The following DPYS variants were observed in gnomAD, a reference collection of about 807,000 sequenced individuals.
DPYS encodes the protein dihydropyrimidinase, also known as dihydropyrimidine amidohydrolase.
Under a neutral mutation model 50.3 loss-of-function variants are expected in DPYS, and 39 were observed. The ratio of observed to expected loss-of-function variants is 0.78; its 90% CI spans 0.60 to 1.01. DPYS has a LOEUF of 1.01. Ranked by LOEUF, DPYS falls within the 50% of genes least tolerant of loss-of-function variation. The pLI is 0.00. For missense variants in DPYS, 659 were observed against 680.9 expected (o/e 0.97, Z 0.36); for synonymous variants, 245 against 250.7 (o/e 0.98, Z 0.22).
intron 4 of DPYS, 106 bp downstream of exon 4, chr8:104,444,142 T>A (rs1813448257): frequency 8.0e-7 from 1 of 1,255,482 alleles, no homozygotes; most frequent in East Asian, 2.4e-5. Context: ...AGAAAAGTAG[T>A]GGAAATCCAC....
In DPYS at chr8:104,406,568, C is replaced by T. The variant is rs543932357; in HGVS notation, c.1236-13577G>A. Among the ~76,000 whole-genome samples, 24 of 152,302 alleles carry T rather than the reference C, an allele frequency of 1.6e-4. No homozygotes were observed. In the East Asian group the frequency reaches 1.7e-3, roughly 11 times the overall value. On this transcript the variant is annotated intron_variant, in intron 7 of 9. Transcript: ENST00000351513. ...TACCCAGGGCAAAGGCAAACAAGAA[C>T]GGGCTCAGGTCTTCATCTTTCCCTG...
At chr8:104,451,827 T>C (rs1564111950) in intron 1 of DPYS, among the ~76,000 whole-genome samples, 1 of 152,250 alleles carries the variant, frequency 6.6e-6, no homozygotes, top group Non-Finnish European at 1.5e-5. Context: ...CTCAGAATCC[T>C]GGGAGACTTA....
chr8:104,461,948 C>T (rs1263990465), intron 1 of DPYS, among the ~76,000 whole-genome samples: 2 of 151,938 alleles, frequency 1.3e-5, no homozygotes, highest in Non-Finnish European at 2.9e-5. Context: ...TACACGTTCC[C>T]CCAACAAATA....
At chr8:104,396,249 C>A (rs906871778) in intron 7 of DPYS, among the ~76,000 whole-genome samples, 1 of 152,062 alleles carries the variant, frequency 6.6e-6, no homozygotes, top group Non-Finnish European at 1.5e-5. Context: ...GATTGTATTA[C>A]AGCATACTAT....
intron 7 of DPYS, among the ~76,000 whole-genome samples, chr8:104,395,518 A>G (rs1291623779): frequency 4.6e-5 from 7 of 152,146 alleles, no homozygotes; most frequent in Non-Finnish European, 8.8e-5. Flanking sequence ...CTTCATCACT[A>G]TAGTTTTCTC....
At chr8:104,430,043 G>T (rs1433325868) in intron 4 of DPYS, among the ~76,000 whole-genome samples, 1 of 152,124 alleles carries the variant, frequency 6.6e-6, no homozygotes, top group Non-Finnish European at 1.5e-5. Flanking sequence ...ATAAAAAGAT[G>T]AAAATAAAGC....
In DPYS at chr8:104,409,844, G is replaced by T. The variant is rs564946672; in HGVS notation, c.1235+14403C>A. On this transcript the variant is annotated intron_variant, in intron 7 of 9. Transcript: ENST00000351513. ...TTACTGGGGAGGAAAGAGCCTCGAA[G>T]AGGGGAGTAACTTGCCCAAGGTCCT... Among the ~76,000 whole-genome samples the T allele has an allele frequency of 2.0e-5, 3 of 152,340 alleles. No individual in the cohort carries two copies. In the South Asian group the frequency reaches 6.2e-4, roughly 32 times the overall value.
intron 8 of DPYS, among the ~76,000 whole-genome samples, chr8:104,384,696 G>T (rs1183729577): frequency 1.3e-5 from 2 of 152,168 alleles, no homozygotes; most frequent in African/African-American, 4.8e-5. Flanking sequence ...TCTTTCTCTG[G>T]CATCCCAGAT....
intron 7 of DPYS, among the ~76,000 whole-genome samples, chr8:104,403,564 T>C (rs1261144642): frequency 6.6e-6 from 1 of 152,050 alleles, no homozygotes; most frequent in Non-Finnish European, 1.5e-5. Flanking sequence ...AATTTAAGGG[T>C]TGGAAAAGAG....
chr8:104,399,305 A>C (rs1282284869), intron 7 of DPYS, among the ~76,000 whole-genome samples: 965 of 39,210 alleles, frequency 0.025, 43 homozygotes, highest in African/African-American at 0.05. Context: ...AAAAAAAAAA[A>C]AAAAACAACA....
chr8:104,384,292 A>G (rs7012764), intron 8 of DPYS, among the ~76,000 whole-genome samples: 55,528 of 152,042 alleles, frequency 0.37, 13,610 homozygotes, highest in African/African-American at 0.69. Context: ...ATATTTGCTC[A>G]TCCTTAGAAT....
chr8:104,399,312 AAC>A (rs1491032752), intron 7 of DPYS, among the ~76,000 whole-genome samples: 856 of 31,390 alleles, frequency 0.027, 46 homozygotes, highest in Non-Finnish European at 0.06. Context: ...AAAAAAAAAC[AAC>A]AACAAAAAAA....
chr8:104,466,699 G>T lies in DPYS; in HGVS notation c.222C>A (p.Phe74Leu), dbSNP rs771320905. The T allele has an allele frequency of 1.3e-6, 2 of 1,532,008 alleles. No homozygotes were observed. The highest frequency in any genetic ancestry group is 1.2e-5 in the South Asian group (1 of 82,872). 94.9% of individuals were successfully genotyped at this position (1,532,008 alleles called of 1,614,324 possible). A position where few individuals can be genotyped will look rare whatever the true frequency, so the allele number is the denominator to read the frequency against. Residue 74 changes from phenylalanine (F) to leucine (L), a missense_variant, in exon 1 of 10, where the codon TTC becomes TTA. By Grantham distance (22) the Phe-to-Leu change is conservative (BLOSUM62 0). Coordinates refer to ENST00000351513, the MANE Select transcript of DPYS (RefSeq NM_001385.3). ...IDTHTHMQFP[F>L]MGSRSIDDFH... ...AGTCGTCGATGGACCGCGAGCCCAT[G>T]AAGGGGAACTGCATGTGCGTGTGTG...
rs540664629 is a variant in DPYS, at chr8:104,424,124, C to A, written c.1235+123G>T. Reference sequence around the variant, plus strand: ...TTATCTTGTGTACAGGATCAAAATACCTGAGCACAGCTAAAGAAGTCATCT... The same window carrying A: ...TTATCTTGTGTACAGGATCAAAATAACTGAGCACAGCTAAAGAAGTCATCT... On this transcript the variant is annotated intron_variant, in intron 7 of 9. Coordinates refer to ENST00000351513, the MANE Select transcript of DPYS (RefSeq NM_001385.3). The A allele has an allele frequency of 2.1e-5, 34 of 1,583,280 alleles. No individual in the cohort carries two copies. In the East Asian group the frequency reaches 6.1e-4, roughly 28 times the overall value.
intron 6 of DPYS, among the ~76,000 whole-genome samples, chr8:104,426,999 G>C (rs559220015): frequency 3.7e-4 from 57 of 152,134 alleles, no homozygotes; most frequent in African/African-American, 1.3e-3. Context: ...TCAGGAGTTT[G>C]AAACCAGCCT....
intron 2 of DPYS, among the ~76,000 whole-genome samples, chr8:104,449,524 T>G (rs1219661649): frequency 6.6e-6 from 1 of 152,152 alleles, no homozygotes; most frequent in East Asian, 1.9e-4. Flanking sequence ...CTGCTATGGG[T>G]TGACTTGGGT....
chr8:104,415,698 G>C (rs1337831222), intron 7 of DPYS, among the ~76,000 whole-genome samples: 3 of 151,970 alleles, frequency 2.0e-5, no homozygotes, highest in Non-Finnish European at 4.4e-5. Flanking sequence ...GGAGGCTCGG[G>C]CTATCTTAGC....
At chr8:104,417,626 G>A (rs1384228416) in intron 7 of DPYS, among the ~76,000 whole-genome samples, 5 of 151,816 alleles carry the variant, frequency 3.3e-5, no homozygotes, top group African/African-American at 9.7e-5. Flanking sequence ...ACATACTTCC[G>A]TCATAAGCAA....
chr8:104,451,164 A>G, intron 2 of DPYS, 82 bp downstream of exon 2: 1 of 1,576,346 alleles, frequency 6.3e-7, no homozygotes, highest in East Asian at 2.2e-5. Context: ...TCTAGGAAGC[A>G]ATCAATGTCA....
Sources: allele counts gnomAD v4.1 joint callset (sites outside exome capture counted in the v4.1 genomes callset), GRCh38; gene constraint gnomAD v4.1.1; transcripts MANE v1.5; gene names NCBI Gene and HGNC (gene_info 2026-07-23, HGNC 2026-07-21).